STAM: variants seen among roughly 807,000 people sequenced by gnomAD.
STAM encodes the protein signal transducing adapter molecule 1.
Under a neutral mutation model 63.4 loss-of-function variants are expected in STAM, and 16 were observed. The ratio of observed to expected loss-of-function variants is 0.25; its 90% CI spans 0.17 to 0.38. STAM has a LOEUF of 0.38. STAM is among the 10% of genes least tolerant of loss of function. STAM has a pLI of 1.00. For synonymous variants in STAM, 238 were observed against 223.9 expected (o/e 1.06, Z -0.56); for missense variants, 636 against 657.1 (o/e 0.97, Z 0.35).
intron 2 of STAM, among the ~76,000 whole-genome samples, chr10:17,669,620 A>C (rs1383900228): frequency 1.3e-5 from 2 of 150,590 alleles, no homozygotes; most frequent in African/African-American, 2.4e-5. Flanking sequence ...GTTTCGTCTG[A>C]GGTATTTTGT....
At position 17,715,048 on chromosome 10, in the gene STAM, C is replaced by T. The variant is rs868994552; in HGVS notation, c.*268C>T. The T allele has an allele frequency of 1.9e-5, 8 of 429,580 alleles. No homozygotes were observed. Among genetic ancestry groups the T allele is most frequent in the Middle Eastern group, 6.9e-4 (1 of 1,454 alleles). The allele number at this position is 429,580 out of a possible 1,614,324, so 26.6% of individuals were successfully genotyped here. ...AGAATTGATACAAGGCTATTTGTCT[C>T]GTAAACCTGGTCTGCAGAAAGTCAA... On this transcript the variant is annotated 3_prime_UTR_variant, in exon 14 of 14. Coordinates refer to ENST00000377524, the MANE Select transcript of STAM (RefSeq NM_003473.4).
chr10:17,685,516 A>G (rs901440100), intron 4 of STAM, among the ~76,000 whole-genome samples: 15 of 152,116 alleles, frequency 9.9e-5, no homozygotes, highest in African/African-American at 3.6e-4. Flanking sequence ...AGTCTAAAGG[A>G]TTTATTAGGG....
chr10:17,677,076 A>G (rs1834887034), intron 2 of STAM, among the ~76,000 whole-genome samples: 2 of 152,218 alleles, frequency 1.3e-5, no homozygotes, highest in African/African-American at 4.8e-5. Context: ...TGCACAAACA[A>G]GGTGTTCATC....
chr10:17,686,997 C>G (rs182997274), intron 4 of STAM, among the ~76,000 whole-genome samples: 1 of 152,054 alleles, frequency 6.6e-6, no homozygotes, highest in South Asian at 2.1e-4. Flanking sequence ...AAATTATTGC[C>G]GCTATGAAGA....
intron 2 of STAM, among the ~76,000 whole-genome samples, chr10:17,678,358 G>A (rs546210053): frequency 1.3e-5 from 2 of 152,072 alleles, no homozygotes; most frequent in South Asian, 2.1e-4. Flanking sequence ...AGGTTCAAGC[G>A]ATTCTCCTGC....
intron 2 of STAM, among the ~76,000 whole-genome samples, chr10:17,682,892 T>C (rs1205307048): frequency 6.6e-6 from 1 of 152,224 alleles, no homozygotes; most frequent in African/African-American, 2.4e-5. Flanking sequence ...CGATGTTTCC[T>C]TTATATATTT....
intron 2 of STAM, among the ~76,000 whole-genome samples, chr10:17,666,858 C>G (rs930476569): frequency 3.9e-5 from 6 of 152,172 alleles, no homozygotes; most frequent in Admixed American, 6.5e-5. Context: ...AGACCTCTTT[C>G]AAGTCTTTTT....
chr10:17,694,967 T>G (rs1835690960), intron 6 of STAM, 82 bp from the exon 7 acceptor site: 1 of 1,334,284 alleles, frequency 7.5e-7, no homozygotes, highest in African/African-American at 1.5e-5. Context: ...AAGAATACCT[T>G]TTATCTTGAT....
chr10:17,684,478 A>G (rs970062534), intron 2 of STAM, among the ~76,000 whole-genome samples, 197 bp from the exon 3 acceptor site: 1 of 152,008 alleles, frequency 6.6e-6, no homozygotes, highest in Non-Finnish European at 1.5e-5. Flanking sequence ...GATTACTAAT[A>G]AGAGAGCCTG....
chr10:17,666,079 A>G (rs1370287550), intron 2 of STAM, among the ~76,000 whole-genome samples: 9 of 152,218 alleles, frequency 5.9e-5, no homozygotes, highest in African/African-American at 2.2e-4. Flanking sequence ...CATAGACGTG[A>G]GGATAAATAC....
In STAM at chr10:17,716,656, A is replaced by C. The variant is rs1289814823; in HGVS notation, c.*1876A>C. 6.6e-6 allele frequency among the ~76,000 whole-genome samples: 1 copy of C among 152,160 alleles called. No individual in the cohort carries two copies. Among genetic ancestry groups the C allele is most frequent in the Non-Finnish European group, 1.5e-5 (1 of 68,022 alleles). On this transcript the variant is annotated 3_prime_UTR_variant, in exon 14 of 14. Coordinates refer to ENST00000377524, the MANE Select transcript of STAM (RefSeq NM_003473.4). ...GTATCATTTTCCCATTTTAATTTTGATATCTTTCATGCTGAAAATCAATGA... is the reference window on the plus strand; with the variant it reads ...GTATCATTTTCCCATTTTAATTTTGCTATCTTTCATGCTGAAAATCAATGA...
At chr10:17,675,917 G>C (rs781805537) in intron 2 of STAM, among the ~76,000 whole-genome samples, 3 of 151,892 alleles carry the variant, frequency 2.0e-5, no homozygotes, top group Non-Finnish European at 4.4e-5. Flanking sequence ...CCTACAAATA[G>C]CACTCCATGT....
At chr10:17,705,976 G>A (rs1005452019) in intron 12 of STAM, among the ~76,000 whole-genome samples, 1 of 151,998 alleles carries the variant, frequency 6.6e-6, no homozygotes, top group Non-Finnish European at 1.5e-5. Context: ...GCTGAGGTGG[G>A]AGGATAGCTT....
chr10:17,713,056 C>T (rs782426079), intron 13 of STAM, among the ~76,000 whole-genome samples: 4 of 152,200 alleles, frequency 2.6e-5, no homozygotes, highest in Non-Finnish European at 5.9e-5. Flanking sequence ...TGCTAGACTC[C>T]CGGTCAGTTC....
chr10:17,695,155 A>G lies in STAM; in HGVS notation c.642A>G (p.Lys214=), dbSNP rs1554827322. ...LLTNHQHEGR[K]VRAIYDFEAA... is the part of the protein sequence containing the mutation. Reference sequence around the variant, plus strand: ...CTAACCACCAACATGAAGGCCGAAAAGTTCGTGCTATATATGACTTTGAAG... The same window carrying G: ...CTAACCACCAACATGAAGGCCGAAAGGTTCGTGCTATATATGACTTTGAAG... Residue 214 remains lysine (K), a synonymous_variant, in exon 7 of 14, where the codon AAA becomes AAG. Coordinates refer to ENST00000377524, the MANE Select transcript of STAM (RefSeq NM_003473.4). The G allele has an allele frequency of 3.7e-6, 6 of 1,614,000 alleles. No homozygotes were observed.
At chr10:17,673,176 G>A (rs907756036) in intron 2 of STAM, 6 of 287,182 alleles carry the variant, frequency 2.1e-5, no homozygotes, top group South Asian at 2.7e-4. Context: ...ATTGCCACCC[G>A]TCTCTTCTCA....
At chr10:17,686,292 C>T (rs889890411) in intron 4 of STAM, among the ~76,000 whole-genome samples, 9 of 151,802 alleles carry the variant, frequency 5.9e-5, no homozygotes, top group South Asian at 2.1e-4. Flanking sequence ...TTTCCAAAAA[C>T]GACTTCCTAT....
chr10:17,665,139 G>A (rs1391797081), intron 2 of STAM, among the ~76,000 whole-genome samples: 1 of 149,946 alleles, frequency 6.7e-6, no homozygotes, highest in African/African-American at 2.5e-5. Flanking sequence ...ACTGTGACCA[G>A]GAAACATGGC....
intron 1 of STAM, among the ~76,000 whole-genome samples, chr10:17,655,811 C>T (rs1554822064): frequency 6.6e-6 from 1 of 152,156 alleles, no homozygotes; most frequent in Admixed American, 6.5e-5. Context: ...TATTGAAGAT[C>T]TTGGTGATGT....
Sources: gnomAD v4.1 joint callset for allele counts (sites outside exome capture counted in the v4.1 genomes callset) on GRCh38, gnomAD v4.1.1 for gene constraint, MANE v1.5 for transcripts, NCBI Gene and HGNC (gene_info 2026-07-23, HGNC 2026-07-21) for gene names.